Variants in CCT7 observed in about 807,000 individuals in gnomAD.
The protein encoded by CCT7 is chaperonin containing TCP1 subunit 7.
Under a neutral mutation model 56.6 loss-of-function variants are expected in CCT7, and 16 were observed. The observed-to-expected ratio is 0.28, with a 90% CI of 0.19 to 0.43. The LOEUF is 0.43. CCT7 is among the 20% of genes least tolerant of loss of function. The pLI is 1.00. For missense variants in CCT7, 519 were observed against 685.6 expected, an observed-to-expected ratio of 0.76 and a Z score of 2.71; for synonymous variants, 262 against 254.8, an observed-to-expected ratio of 1.03 and a Z score of -0.27.
In CCT7 at chr2:73,234,403, A is replaced by G; in HGVS notation, c.6+19A>G. 6.2e-7 allele frequency: 1 copy of G among 1,612,852 alleles called. No homozygotes were observed. ...AATGATGGTGAGTGGCGTCTCGCGC[A>G]TCCGTCGCCATCAGCTGCCATCTGG... On this transcript the variant is annotated intron_variant, in intron 1 of 11. Coordinates refer to ENST00000258091, the MANE Select transcript of CCT7 (RefSeq NM_006429.4).
At position 73,244,029 on chromosome 2, in the gene CCT7, C is replaced by G. The variant is rs199840482; in HGVS notation, c.426C>G (p.Thr142=). Residue 142 remains threonine (T), a synonymous_variant, in exon 5 of 12, where the codon ACC becomes ACG. Transcript: ENST00000258091. ...ACAAGATCAAAGAGATTGCTGTGAC[C>G]GTGAAGAAGGCAGATAAAGTGTAAG... ...AVNKIKEIAV[T]VKKADKVEQR... is the part of the protein sequence containing the mutation. The G allele has an allele frequency of 6.2e-7, 1 of 1,612,316 alleles. No homozygotes were observed. Among genetic ancestry groups the G allele is most frequent in the Non-Finnish European group, 8.5e-7 (1 of 1,179,612 alleles).
chr2:73,242,848 C>A, intron 3 of CCT7, 156 bp from the exon 4 acceptor site: 1 of 803,364 alleles, frequency 1.2e-6, no homozygotes. Context: ...CCATTAGCTT[C>A]TTTCTACTTA....
At position 73,234,396 on chromosome 2, in the gene CCT7, C is replaced by T. The variant is rs763299025; in HGVS notation, c.6+12C>T. On this transcript the variant is annotated intron_variant, in intron 1 of 11. Coordinates refer to ENST00000258091, the MANE Select transcript of CCT7 (RefSeq NM_006429.4). ...CTTCCAAAATGATGGTGAGTGGCGTCTCGCGCATCCGTCGCCATCAGCTGC... is the reference window on the plus strand; with the variant it reads ...CTTCCAAAATGATGGTGAGTGGCGTTTCGCGCATCCGTCGCCATCAGCTGC... 2.5e-6 allele frequency: 4 copies of T among 1,613,094 alleles called. No individual in the cohort carries two copies. Among genetic ancestry groups the T allele is most frequent in the South Asian group, 2.2e-5 (2 of 91,086 alleles).
Position 73,252,702 on chromosome 2 carries a change from C to T in CCT7, c.1473C>T (p.Phe491=), listed in dbSNP as rs2231438. Residue 491 remains phenylalanine (F), a synonymous_variant, in exon 12 of 12, where the codon TTC becomes TTT. Coordinates refer to ENST00000258091, the MANE Select transcript of CCT7 (RefSeq NM_006429.4). ...ACATTGCTGACAACTTTGAAGCTTT[C>T]GTGTGGGAGCCAGCTATGGTGCGGA... The part of the protein sequence containing the change: ...NEDIADNFEA[F]VWEPAMVRIN... The T allele has an allele frequency of 1.2e-3, 1,922 of 1,614,184 alleles. 15 individuals are homozygous for T. In the African/African-American group the frequency reaches 0.021, roughly 18 times the overall value.
intron 3 of CCT7, 86 bp downstream of exon 3, chr2:73,240,629 T>A (rs1466207649): frequency 1.6e-6 from 1 of 639,898 alleles, no homozygotes; most frequent in Non-Finnish European, 2.5e-6. Flanking sequence ...TTTTTTAAGA[T>A]TTTATATAAT....
At chr2:73,238,713 T>C (rs906317573) in intron 1 of CCT7, among the ~76,000 whole-genome samples, 1 of 152,260 alleles carries the variant, frequency 6.6e-6, no homozygotes, top group Non-Finnish European at 1.5e-5. Context: ...TTGAGAAGAC[T>C]GGATCTAGTT....
chr2:73,244,111 A>G, intron 5 of CCT7, 62 bp downstream of exon 5: 3 of 1,501,002 alleles, frequency 2.0e-6, no homozygotes, highest in Admixed American at 2.0e-5. Flanking sequence ...TGTATTGCCC[A>G]GGCTAGTCTT....
At chr2:73,244,498 G>A (rs1268830663) in intron 5 of CCT7, 46 bp from the exon 6 acceptor site, 1 of 1,533,434 alleles carries the variant, frequency 6.5e-7, no homozygotes, top group African/African-American at 1.4e-5. Context: ...AGATAAGAGG[G>A]ATTTGGTTTT....
intron 5 of CCT7, chr2:73,244,270 C>T: frequency 1.6e-6 from 1 of 617,506 alleles, no homozygotes. Context: ...CCTCTATGTG[C>T]CTGGGGCTGT....
chr2:73,242,963 TGA>T (rs1267261413), intron 3 of CCT7, 39 bp from the exon 4 acceptor site: 3 of 1,612,228 alleles, frequency 1.9e-6, no homozygotes, highest in Non-Finnish European at 2.5e-6. Context: ...CTTTATTCCC[TGA>T]ACATCAGAAA....
intron 5 of CCT7, 118 bp from the exon 6 acceptor site, chr2:73,244,426 G>T: frequency 1.2e-6 from 1 of 821,164 alleles, no homozygotes; most frequent in Non-Finnish European, 1.9e-6. Flanking sequence ...TACAAAAGGT[G>T]AAGTTGGAGA....
intron 11 of CCT7, among the ~76,000 whole-genome samples, chr2:73,251,782 A>G (rs2103813315): frequency 6.6e-6 from 1 of 152,310 alleles, no homozygotes; most frequent in East Asian, 1.9e-4. Context: ...TACTAAAAAT[A>G]CAAAAAATTA....
At chr2:73,241,738 G>GTT (rs71846554) in intron 3 of CCT7, among the ~76,000 whole-genome samples, 16 of 144,884 alleles carry the variant, frequency 1.1e-4, no homozygotes, top group Non-Finnish European at 1.1e-4. Context: ...ATTCCCAGTA[G>GTT]TTTTTTTTTT....
intron 1 of CCT7, chr2:73,237,789 A>T (rs558187186): frequency 5.8e-4 from 89 of 152,354 alleles, no homozygotes; most frequent in African/African-American, 2.1e-3. Context: ...AGGGCCTGGC[A>T]TGGTGCCTCA....
In CCT7 at chr2:73,249,081, A is replaced by G. The variant is rs1169314949; in HGVS notation, c.874A>G (p.Lys292Glu). 13 of 1,614,042 alleles carry G rather than the reference A, an allele frequency of 8.1e-6. No individual in the cohort carries two copies. In the Admixed American group the frequency reaches 1.7e-4, roughly 21 times the overall value. ...TTCTGGAGCCAAAGTTGTCTTGTCC[A>G]AACTCCCCATTGGGGATGTGGCCAC... ...HHSGAKVVLS[K>E]LPIGDVATQY... Residue 292 changes from lysine to glutamate, a missense_variant, in exon 8 of 12, where the codon AAA (lysine) becomes GAA (glutamate). Physicochemically the swap from Lys to Glu is moderately conservative, Grantham distance 56. Coordinates refer to ENST00000258091, the MANE Select transcript of CCT7 (RefSeq NM_006429.4).
chr2:73,251,375 C>T lies in CCT7; in HGVS notation c.1353C>T (p.Asp451=), dbSNP rs929534575. 3 of 1,562,892 alleles carry T rather than the reference C, an allele frequency of 1.9e-6. No individual in the cohort carries two copies. The highest frequency in any genetic ancestry group is 3.4e-5 in the Admixed American group (2 of 58,220). Residue 451 remains aspartate (D), a synonymous_variant, in exon 11 of 12, where the codon GAC becomes GAT. Coordinates refer to ENST00000258091, the MANE Select transcript of CCT7 (RefSeq NM_006429.4). ...AGATTATCCCACGCCAGCTGTGTGA[C>T]AATGCTGGCTTTGATGCCACAAACA... is the stretch of plus-strand genomic sequence containing the variant. ...ALEIIPRQLC[D]NAGFDATNIL... is the part of the protein sequence containing the mutation.
At chr2:73,247,570 G>A (rs1345228996) in intron 6 of CCT7, among the ~76,000 whole-genome samples, 192 bp from the exon 7 acceptor site, 1 of 146,848 alleles carries the variant, frequency 6.8e-6, no homozygotes, top group East Asian at 2.0e-4. Flanking sequence ...ATAATATGTT[G>A]TGTTATTTAA....
chr2:73,235,654 C>T, intron 1 of CCT7: 1 of 600,346 alleles, frequency 1.7e-6, no homozygotes, highest in Non-Finnish European at 2.2e-6. Context: ...AGGTTTGTAA[C>T]TTAGCTCTGC....
chr2:73,249,480 A>G (rs1323164248), intron 8 of CCT7, among the ~76,000 whole-genome samples: 2 of 152,068 alleles, frequency 1.3e-5, no homozygotes, highest in South Asian at 2.1e-4. Flanking sequence ...TTTCCCTTTC[A>G]TGAGCATCCC....
Sources: allele counts gnomAD v4.1 joint callset (sites outside exome capture counted in the v4.1 genomes callset), GRCh38; gene constraint gnomAD v4.1.1; transcripts MANE v1.5; gene names NCBI Gene and HGNC (gene_info 2026-07-23, HGNC 2026-07-21).